Variants in DENND1A observed in about 807,000 individuals in gnomAD.
DENND1A encodes the protein DENN domain-containing protein 1A.
DENND1A carries 51 observed loss-of-function variants against 113.7 expected under a neutral mutation model. The ratio of observed to expected loss-of-function variants is 0.45; its 90% CI spans 0.36 to 0.57. The LOEUF (loss-of-function observed/expected upper bound fraction) is 0.57, where lower values mean the gene tolerates loss of function less well. DENND1A is among the 20% of genes least tolerant of loss of function. The pLI is 0.00. For synonymous variants in DENND1A, 565 were observed against 570.8 expected, an observed-to-expected ratio of 0.99 and a Z score of 0.14; for missense variants, 1,258 against 1,395.9, an observed-to-expected ratio of 0.90 and a Z score of 1.57.
chr9:123,412,117 T>C (rs1032225885), intron 19 of DENND1A, among the ~76,000 whole-genome samples: 5 of 152,140 alleles, frequency 3.3e-5, no homozygotes, highest in Admixed American at 1.3e-4. Flanking sequence ...CCAGGTGCAA[T>C]AGGGCGAGCC....
chr9:123,607,399 T>C (rs1490338836), intron 11 of DENND1A, among the ~76,000 whole-genome samples: 8 of 146,600 alleles, frequency 5.5e-5, no homozygotes, highest in African/African-American at 1.3e-4. Context: ...TTAGGTGCCA[T>C]TGAAGGCAGT....
chr9:123,854,333 T>C (rs1217742847), intron 2 of DENND1A, among the ~76,000 whole-genome samples: 1 of 152,224 alleles, frequency 6.6e-6, no homozygotes, highest in Non-Finnish European at 1.5e-5. Flanking sequence ...AGGACCCAGA[T>C]GTTTAATATT....
chr9:123,385,228 A>C (rs1409941684), intron 22 of DENND1A, among the ~76,000 whole-genome samples: 1 of 152,074 alleles, frequency 6.6e-6, no homozygotes, highest in African/African-American at 2.4e-5. Context: ...GCAATGGCGC[A>C]GTCTCGGCTC....
intron 4 of DENND1A, among the ~76,000 whole-genome samples, chr9:123,758,759 A>T (rs2070786421): frequency 1.3e-5 from 2 of 152,204 alleles, no homozygotes; most frequent in African/African-American, 2.4e-5. Context: ...ATCTATTTTT[A>T]AAAATTTTAA....
At chr9:123,769,996 C>T (rs1419055351) in intron 3 of DENND1A, among the ~76,000 whole-genome samples, 1 of 152,156 alleles carries the variant, frequency 6.6e-6, no homozygotes, top group African/African-American at 2.4e-5. Context: ...CAGGATTAGA[C>T]AACGCTTCCC....
intron 11 of DENND1A, among the ~76,000 whole-genome samples, chr9:123,584,481 C>G (rs558557134): frequency 5.3e-5 from 8 of 152,198 alleles, no homozygotes; most frequent in Admixed American, 3.3e-4. Flanking sequence ...CTAATTCACC[C>G]CAGAGCATGG....
intron 9 of DENND1A, among the ~76,000 whole-genome samples, chr9:123,649,936 G>T (rs552100139): frequency 2.0e-5 from 3 of 152,310 alleles, no homozygotes; most frequent in African/African-American, 7.2e-5. Context: ...AGGATTAAAT[G>T]AGTTCATACA....
At chr9:123,414,477 G>C in intron 19 of DENND1A, 2 of 1,526,196 alleles carry the variant, frequency 1.3e-6, no homozygotes, top group Non-Finnish European at 1.8e-6. Flanking sequence ...TGTCTGCTGA[G>C]AAACACCATC....
chr9:123,640,692 G>T (rs1589469469), intron 9 of DENND1A, among the ~76,000 whole-genome samples: 1 of 152,258 alleles, frequency 6.6e-6, no homozygotes, highest in Non-Finnish European at 1.5e-5. Flanking sequence ...AGTGCGCCCA[G>T]TGCTGGGCTC....
intron 19 of DENND1A, among the ~76,000 whole-genome samples, chr9:123,421,011 G>A (rs542085432): frequency 9.3e-5 from 14 of 150,314 alleles, no homozygotes; most frequent in South Asian, 4.3e-4. Flanking sequence ...CAGGGACCTC[G>A]CTGACGTATG....
At chr9:123,490,872 C>T (rs2051314472) in intron 13 of DENND1A, among the ~76,000 whole-genome samples, 2 of 152,202 alleles carry the variant, frequency 1.3e-5, no homozygotes, top group Non-Finnish European at 2.9e-5. Context: ...TGCAAGTGCT[C>T]TGCAGCCACA....
intron 7 of DENND1A, among the ~76,000 whole-genome samples, chr9:123,667,980 C>T (rs1457597085): frequency 6.6e-6 from 1 of 152,112 alleles, no homozygotes; most frequent in African/African-American, 2.4e-5. Context: ...GAAAAATTGA[C>T]CTCTTCAAAG....
chr9:123,389,762 G>A (rs1335283237), intron 21 of DENND1A, among the ~76,000 whole-genome samples: 1 of 152,220 alleles, frequency 6.6e-6, no homozygotes, highest in Non-Finnish European at 1.5e-5. Context: ...AAAGTGAGGG[G>A]GAGCCCACTC....
At chr9:123,903,697 C>A (rs893326221) in intron 1 of DENND1A, among the ~76,000 whole-genome samples, 2 of 152,236 alleles carry the variant, frequency 1.3e-5, no homozygotes, top group Non-Finnish European at 2.9e-5. Flanking sequence ...GATATTATAT[C>A]CCGCACCTGG....
chr9:123,716,014 C>T (rs963393508), intron 5 of DENND1A, among the ~76,000 whole-genome samples: 1 of 152,116 alleles, frequency 6.6e-6, no homozygotes, highest in Non-Finnish European at 1.5e-5. Flanking sequence ...TGCCCTTTAA[C>T]AGCATGACTT....
intron 8 of DENND1A, among the ~76,000 whole-genome samples, chr9:123,663,898 C>G (rs182954508): frequency 2.6e-5 from 4 of 151,756 alleles, no homozygotes; most frequent in African/African-American, 9.7e-5. Context: ...AAGTATTACT[C>G]AACCCCCAGT....
rs181765585 is a variant in DENND1A at position 123,516,269 on chromosome 9, G to A, written c.993+41301C>T. Reference sequence around the variant, plus strand: ...GGGGGTGTGTACTCTGTACTTTTGCGTGTATTTGGGCTGGGGTGGGGAATC... The same window carrying A: ...GGGGGTGTGTACTCTGTACTTTTGCATGTATTTGGGCTGGGGTGGGGAATC... On this transcript the variant is annotated intron_variant, in intron 13 of 23. Coordinates refer to ENST00000394215, the MANE Select transcript of DENND1A (RefSeq NM_001352964.2). Among the ~76,000 whole-genome samples the A allele has an allele frequency of 1.6e-3, 239 of 152,060 alleles. 1 individual carries two copies. Among genetic ancestry groups the A allele is most frequent in the Non-Finnish European group, 2.9e-3 (200 of 67,984 alleles).
intron 11 of DENND1A, among the ~76,000 whole-genome samples, chr9:123,597,154 G>A (rs565091272): frequency 3.3e-5 from 5 of 152,224 alleles, no homozygotes; most frequent in Admixed American, 6.5e-5. Context: ...TGCAAAGCCC[G>A]ACTCCCATCT....
intron 10 of DENND1A, among the ~76,000 whole-genome samples, chr9:123,612,620 A>C (rs1317037480): frequency 1.3e-5 from 2 of 152,208 alleles, no homozygotes; most frequent in East Asian, 3.8e-4. Context: ...TATTCCACCA[A>C]ATATGGATGT....
Sources: allele counts gnomAD v4.1 joint callset (sites outside exome capture counted in the v4.1 genomes callset), GRCh38; gene constraint gnomAD v4.1.1; transcripts MANE v1.5; gene names NCBI Gene and HGNC (gene_info 2026-07-23, HGNC 2026-07-21).